OSBPL9: variants seen among roughly 807,000 people sequenced by gnomAD.
OSBPL9 encodes the protein oxysterol binding protein like 9.
In OSBPL9, 40 loss-of-function variants were observed where a neutral mutation model predicts 106.6. That is an observed-to-expected ratio of 0.38 (90% confidence interval 0.29 to 0.49). The LOEUF is 0.49. Among genes scored for constraint, OSBPL9 ranks in the 20% least tolerant of loss-of-function variants. The pLI, the probability that OSBPL9 is intolerant of heterozygous loss-of-function variation, is 0.97. For synonymous variants in OSBPL9, 269 were observed against 295.4 expected, an observed-to-expected ratio of 0.91 and a Z score of 0.92; for missense variants, 609 against 887.2, an observed-to-expected ratio of 0.69 and a Z score of 3.98.
Position 51,652,011 on chromosome 1 carries a change from A to G in OSBPL9, c.132A>G (p.Arg44=). The change falls in exon 2 of 24, where the codon AGA becomes AGG. Residue 44 remains arginine, a synonymous_variant. Transcript: ENST00000428468. ...SYYTSKDKMM[R]GSRRGCVRLR... is the part of the protein sequence containing the mutation. ...TTTAGTCCAAGGACAAAATGATGAG[A>G]GGCTCTCGCAGAGGATGTGTTAGAC... 6.2e-7 allele frequency: 1 copy of G among 1,609,408 alleles called. No homozygotes were observed. The highest frequency in any genetic ancestry group is 8.5e-7 in the Non-Finnish European group (1 of 1,177,838).
chr1:51,533,841 C>CTTT, the OSBPL9 span, among the ~76,000 whole-genome samples: 1 of 124,168 alleles, frequency 8.1e-6, no homozygotes. Context: ...TTTCTTTTTT[C>CTTT]TTTCTTTTTT....
chr1:51,654,189 A>G (rs1403345280), intron 2 of OSBPL9, among the ~76,000 whole-genome samples: 1 of 152,144 alleles, frequency 6.6e-6, no homozygotes, highest in African/African-American at 2.4e-5. Flanking sequence ...CCCTTTGGCA[A>G]GACTGTAGGT....
At chr1:51,778,736 C>A (rs756702643) in intron 15 of OSBPL9, among the ~76,000 whole-genome samples, 1 of 152,022 alleles carries the variant, frequency 6.6e-6, no homozygotes, top group African/African-American at 2.4e-5. Flanking sequence ...CCCCGCCCCC[C>A]CAAAAAATCA....
At chr1:51,740,584 TTTTC>T (rs1213991815) in intron 4 of OSBPL9, among the ~76,000 whole-genome samples, 1 of 152,104 alleles carries the variant, frequency 6.6e-6, no homozygotes, top group Non-Finnish European at 1.5e-5. Flanking sequence ...TTCTAATATA[TTTTC>T]TTTTTCTCTT....
At chr1:51,659,699 G>A (rs12408665) in intron 2 of OSBPL9, among the ~76,000 whole-genome samples, 4,289 of 151,952 alleles carry the variant, frequency 0.028, 91 homozygotes, top group Non-Finnish European at 0.044. Flanking sequence ...AGAAAAGTAC[G>A]TAATAGTAGA....
intron 4 of OSBPL9, among the ~76,000 whole-genome samples, chr1:51,730,483 A>G (rs1664136417): frequency 6.6e-6 from 1 of 152,048 alleles, no homozygotes; most frequent in Non-Finnish European, 1.5e-5. Context: ...TTTGTGTATA[A>G]AGTAATTACG....
At chr1:51,597,423 ATGTGTG>A (rs71063046) in intron 1 of OSBPL9, among the ~76,000 whole-genome samples, 15,560 of 135,768 alleles carry the variant, frequency 0.11, 1,092 homozygotes, top group Non-Finnish European at 0.16. Context: ...ATATATATAT[ATGTGTG>A]TGTGTGTGTG....
intron 1 of OSBPL9, among the ~76,000 whole-genome samples, chr1:51,627,305 T>G (rs1234153869): frequency 6.6e-6 from 1 of 152,178 alleles, no homozygotes; most frequent in South Asian, 2.1e-4. Flanking sequence ...CTGGCTAGTT[T>G]TTTTTTTTAA....
the OSBPL9 span, chr1:51,565,467 C>T: frequency 3.3e-5 from 5 of 152,300 alleles, no homozygotes; most frequent in Middle Eastern, 3.4e-3. Context: ...ATTTGAAATT[C>T]AGCATATTAT....
intron 4 of OSBPL9, among the ~76,000 whole-genome samples, chr1:51,733,485 G>A (rs1664928258): frequency 6.6e-6 from 1 of 152,128 alleles, no homozygotes. Flanking sequence ...TGCTAAAAAT[G>A]GTGAGCAGGG....
chr1:51,741,051 A>G (rs904642957), intron 4 of OSBPL9, among the ~76,000 whole-genome samples: 2 of 117,198 alleles, frequency 1.7e-5, no homozygotes, highest in Non-Finnish European at 3.9e-5. Context: ...TAAAGTATAA[A>G]TAGTGTTTAA....
intron 3 of OSBPL9, among the ~76,000 whole-genome samples, chr1:51,682,272 TA>T (rs1652732371): frequency 6.6e-6 from 1 of 152,234 alleles, no homozygotes; most frequent in Admixed American, 6.5e-5. Flanking sequence ...AAAATATTTT[TA>T]ATCTTTAATT....
the OSBPL9 span, among the ~76,000 whole-genome samples, chr1:51,557,584 G>C: frequency 6.6e-6 from 1 of 152,136 alleles, no homozygotes; most frequent in Non-Finnish European, 1.5e-5. Flanking sequence ...AACTGTGTTC[G>C]ACTAAAGCCT....
intron 1 of OSBPL9, among the ~76,000 whole-genome samples, chr1:51,624,658 A>G (rs1404519219): frequency 6.6e-6 from 1 of 152,180 alleles, no homozygotes; most frequent in Middle Eastern, 3.2e-3. Flanking sequence ...GAAACTCTCT[A>G]AGATAGTGAG....
At chr1:51,765,796 T>A (rs766452148) in intron 11 of OSBPL9, 26 bp from the exon 12 acceptor site, 40 of 1,569,976 alleles carry the variant, frequency 2.5e-5, no homozygotes, top group Non-Finnish European at 3.2e-5. Flanking sequence ...CCAATATTTT[T>A]CTCTAAAACC....
chr1:51,748,304 G>A, intron 6 of OSBPL9, 65 bp from the exon 7 acceptor site: 2 of 1,485,024 alleles, frequency 1.3e-6, no homozygotes, highest in Non-Finnish European at 1.8e-6. Context: ...TGACTAGCCA[G>A]TAAAAAATAA....
At chr1:51,763,822 CTGTT>C (rs974772094) in intron 11 of OSBPL9, among the ~76,000 whole-genome samples, 6 of 152,058 alleles carry the variant, frequency 3.9e-5, no homozygotes, top group African/African-American at 1.4e-4. Flanking sequence ...AAAATAGTAC[CTGTT>C]TGTTGTTGTT....
chr1:51,596,355 TACA>T (rs1160069385), intron 1 of OSBPL9, among the ~76,000 whole-genome samples: 1 of 141,268 alleles, frequency 7.1e-6, no homozygotes, highest in Non-Finnish European at 1.5e-5. Context: ...ACCTGAAGAG[TACA>T]ACACCAGCCT....
chr1:51,728,742 G>A (rs1435658293), intron 4 of OSBPL9, among the ~76,000 whole-genome samples: 1 of 151,922 alleles, frequency 6.6e-6, no homozygotes, highest in South Asian at 2.1e-4. Context: ...TCCTGGCCTC[G>A]AATCCTCCCT....
Sources: allele counts gnomAD v4.1 joint callset (sites outside exome capture counted in the v4.1 genomes callset), GRCh38; gene constraint gnomAD v4.1.1; transcripts MANE v1.5; gene names NCBI Gene and HGNC (gene_info 2026-07-23, HGNC 2026-07-21).